The following ISLR2 variants were observed in gnomAD, a reference collection of about 807,000 sequenced individuals.
The protein encoded by ISLR2 is immunoglobulin superfamily containing leucine-rich repeat protein 2.
A neutral mutation model predicts 25.5 loss-of-function variants in ISLR2; 16 were observed. The ratio of observed to expected loss-of-function variants is 0.63; its 90% CI spans 0.43 to 0.95. The LOEUF is 0.95. Ranked by LOEUF, ISLR2 falls within the 40% of genes least tolerant of loss-of-function variation. The pLI is 0.00. For synonymous variants in ISLR2, 508 were observed against 486.6 expected, an observed-to-expected ratio of 1.04 and a Z score of -0.58; for missense variants, 883 against 1,030.7, an observed-to-expected ratio of 0.86 and a Z score of 1.96.
rs141315861 is a variant in ISLR2, at chr15:74,133,118, C to T, written c.364C>T (p.Leu122=). 19 of 1,612,688 alleles carry T rather than the reference C, an allele frequency of 1.2e-5. No individual in the cohort carries two copies. In the African/African-American group the frequency reaches 2.3e-4, roughly 19 times the overall value. Residue 122 remains leucine, a synonymous_variant, in exon 3 of 3, where the codon CTG becomes TTG. Transcript: ENST00000453268. ...CTTTCCGTGGAGCGACCTGCGCAAC[C>T]TGAGCGCGCTGCAGCTGCTCAAAAT... ...SSFPWSDLRN[L]SALQLLKMNH...
downstream of ISLR2, among the ~76,000 whole-genome samples, chr15:74,139,962 C>T (rs879875813): frequency 7.4e-5 from 11 of 149,028 alleles, no homozygotes; most frequent in South Asian, 1.3e-3. Context: ...ACAGCAGTAG[C>T]CTCAGAACTC....
intron 2 of ISLR2, among the ~76,000 whole-genome samples, chr15:74,104,428 A>C (rs989843744): frequency 1.8e-4 from 27 of 152,374 alleles, no homozygotes; most frequent in African/African-American, 4.6e-4. Flanking sequence ...GGTGGATAAT[A>C]AACTGGTATT....
intron 2 of ISLR2, among the ~76,000 whole-genome samples, chr15:74,108,825 C>T (rs2072142954): frequency 1.3e-5 from 2 of 152,164 alleles, no homozygotes; most frequent in South Asian, 4.1e-4. Context: ...CAATGTAGGG[C>T]CTCGCCCACA....
downstream of ISLR2, among the ~76,000 whole-genome samples, chr15:74,137,242 G>C (rs1326447587): frequency 6.6e-6 from 1 of 152,226 alleles, no homozygotes; most frequent in Non-Finnish European, 1.5e-5. Context: ...CTGAGAAGCC[G>C]GTGGGAAGAG....
chr15:74,118,807 G>A (rs529244380), intron 2 of ISLR2, among the ~76,000 whole-genome samples: 1 of 151,848 alleles, frequency 6.6e-6, no homozygotes, highest in Non-Finnish European at 1.5e-5. Flanking sequence ...ACAGGTGTCC[G>A]CTACCATGCC....
intron 2 of ISLR2, among the ~76,000 whole-genome samples, chr15:74,120,748 TG>T (rs1391786629): frequency 6.6e-6 from 1 of 151,902 alleles, no homozygotes; most frequent in Non-Finnish European, 1.5e-5. Context: ...CATATGCAAA[TG>T]GGGGTGATAA....
In ISLR2 at chr15:74,136,645, G is replaced by C. The variant is rs1332091953; in HGVS notation, c.*1653G>C. Reference sequence around the variant, plus strand: ...CGGGGTTCTTTTTTCCATTTTGAAAGAAAGCGTCGGGGTTGGGGTGGGGGG... The same window carrying C: ...CGGGGTTCTTTTTTCCATTTTGAAACAAAGCGTCGGGGTTGGGGTGGGGGG... On this transcript the variant is annotated 3_prime_UTR_variant, in exon 3 of 3. Transcript: ENST00000453268. 6.1e-6 allele frequency: 1 copy of C among 163,086 alleles called. No homozygotes were observed. Among genetic ancestry groups the C allele is most frequent in the East Asian group, 1.9e-4 (1 of 5,198 alleles). The allele number at this position is 163,086 out of a possible 1,614,324, so 10.1% of individuals were successfully genotyped here.
chr15:74,128,635 C>CA, upstream of ISLR2: 1 of 456,092 alleles, frequency 2.2e-6, no homozygotes. Flanking sequence ...CTGCGGAAGG[C>CA]AAAAAAGAAA....
intron 2 of ISLR2, among the ~76,000 whole-genome samples, chr15:74,110,582 C>T (rs1260564649): frequency 6.6e-6 from 1 of 151,628 alleles, no homozygotes; most frequent in East Asian, 1.9e-4. Context: ...CTTTGGGAGG[C>T]CAAGGTGAGC....
chr15:74,124,977 A>G (rs2072282173), upstream of ISLR2, among the ~76,000 whole-genome samples: 2 of 152,106 alleles, frequency 1.3e-5, no homozygotes, highest in Non-Finnish European at 2.9e-5. Context: ...GTGAGACGAT[A>G]CACTTAATAC....
At position 74,112,054 on chromosome 15, in the gene ISLR2, C is replaced by A. The variant is rs141275261; in HGVS notation, n.228+8140C>A. ...CCTCTCTGTACCATCTTTGAAATTT[C>A]CTCTGAATCTATATTTCCAAATAAA... is the stretch of plus-strand genomic sequence containing the variant. On this transcript the variant is annotated intron_variant and non_coding_transcript_variant, in intron 2 of 3. Transcript: ENST00000561975. 3.7e-4 allele frequency among the ~76,000 whole-genome samples: 56 copies of A among 152,294 alleles called. No homozygotes were observed. In the East Asian group the frequency reaches 0.011, roughly 29 times the overall value.
chr15:74,140,555 G>A (rs1188125637), downstream of ISLR2, among the ~76,000 whole-genome samples: 1 of 152,220 alleles, frequency 6.6e-6, no homozygotes, highest in Non-Finnish European at 1.5e-5. Context: ...CAGAGCAAGG[G>A]AAACTGGGGG....
chr15:74,139,122 T>C (rs919552554), downstream of ISLR2, among the ~76,000 whole-genome samples: 3 of 152,232 alleles, frequency 2.0e-5, no homozygotes, highest in Admixed American at 6.5e-5. Context: ...CAGGGCCACG[T>C]ATCCTAATGG....
downstream of ISLR2, among the ~76,000 whole-genome samples, chr15:74,137,613 C>G (rs62005681): frequency 6.6e-6 from 1 of 152,244 alleles, no homozygotes; most frequent in Non-Finnish European, 1.5e-5. Context: ...GCCTAAAACA[C>G]ACGGGTTGGG....
chr15:74,131,432 G>A (rs568475529), intron 2 of ISLR2, 116 bp downstream of exon 2: 1 of 152,854 alleles, frequency 6.5e-6, no homozygotes, highest in South Asian at 2.1e-4. Context: ...CGGGAAGGGA[G>A]GGAAGGGACC....
In ISLR2 at chr15:74,134,064, A is replaced by C. The variant is rs889094676; in HGVS notation, c.1310A>C (p.Glu437Ala). ...ILGETETEPEEDTSEGEEAED... is the reference protein window; with the variant it reads ...ILGETETEPEADTSEGEEAED... ...GGGGAGACCGAGACGGAGCCGGAGG[A>C]GGACACAAGTGAGGGAGAGGAGGCC... is the stretch of plus-strand genomic sequence containing the variant. The change falls in exon 3 of 3, where the codon GAG becomes GCG. Residue 437 changes from glutamate to alanine, a missense_variant. By Grantham distance (107) the Glu-to-Ala change is moderately radical. Coordinates refer to ENST00000453268, the MANE Select transcript of ISLR2 (RefSeq NM_020851.3). 6.2e-7 allele frequency: 1 copy of C among 1,613,714 alleles called. No homozygotes were observed. Among genetic ancestry groups the C allele is most frequent in the Non-Finnish European group, 8.5e-7 (1 of 1,179,872 alleles).
At chr15:74,103,307 A>G (rs1041341768) in intron 1 of ISLR2, among the ~76,000 whole-genome samples, 3 of 150,628 alleles carry the variant, frequency 2.0e-5, no homozygotes, top group African/African-American at 7.5e-5. Context: ...TCATATTGTG[A>G]AAATTATACT....
rs770980991 is a variant in ISLR2 at position 74,133,953 on chromosome 15, C to A, written c.1199C>A (p.Thr400Lys). ...GQAPTSERKS[T>K]AKGRGNSVLP... ...GCCCCGACCTCTGAGCGCAAGTCCA[C>A]AGCCAAGGGCCGGGGCAACAGCGTC... Residue 400 changes from threonine to lysine, a missense_variant, in exon 3 of 3, where the codon ACA becomes AAA. Physicochemically the swap from Thr to Lys is moderately conservative, Grantham distance 78. Around this residue, in one of 2 missense-constraint regions of ISLR2, gnomAD observed 612 missense variants for 642.8 expected, o/e 0.95. Transcript: ENST00000453268. The A allele has an allele frequency of 6.2e-7, 1 of 1,607,846 alleles. No individual in the cohort carries two copies. The highest frequency in any genetic ancestry group is 8.5e-7 in the Non-Finnish European group (1 of 1,177,322).
chr15:74,109,056 G>A (rs1027114907), intron 2 of ISLR2, among the ~76,000 whole-genome samples: 11 of 152,194 alleles, frequency 7.2e-5, no homozygotes, highest in African/African-American at 1.2e-4. Context: ...AAACATTATT[G>A]TGTTAAAAAT....
Sources: allele counts gnomAD v4.1 joint callset (sites outside exome capture counted in the v4.1 genomes callset), GRCh38; gene constraint gnomAD v4.1.1; regional missense constraint gnomAD v4.1.1; transcripts MANE v1.5; gene names NCBI Gene and HGNC (gene_info 2026-07-23, HGNC 2026-07-21).